DRC10: variants seen among roughly 807,000 people sequenced by gnomAD.
DRC10 encodes the protein dynein regulatory complex subunit 10, also known as IQ domain-containing protein D.
chr12:113,209,089 G>A, the DRC10 span, among the ~76,000 whole-genome samples: 3 of 152,128 alleles, frequency 2.0e-5, no homozygotes, highest in Middle Eastern at 3.4e-3. Context: ...ACACCACCAC[G>A]CCTGGCTAAT....
At chr12:113,195,652 T>G in the DRC10 span, 3 of 1,612,454 alleles carry the variant, frequency 1.9e-6, no homozygotes, top group Admixed American at 1.7e-5. Context: ...TTGCCCCGCT[T>G]CTTCTTGGAT....
At chr12:113,197,087 G>C in the DRC10 span, among the ~76,000 whole-genome samples, 41 of 152,302 alleles carry the variant, frequency 2.7e-4, no homozygotes, top group African/African-American at 9.6e-4. Flanking sequence ...ACCTTGTAGG[G>C]GTGCTGGCAG....
chr12:113,212,757 T>A, the DRC10 span, among the ~76,000 whole-genome samples: 2 of 152,202 alleles, frequency 1.3e-5, no homozygotes, highest in African/African-American at 4.8e-5. Context: ...ACGACAAAAA[T>A]GACTGGAGAA....
the DRC10 span, among the ~76,000 whole-genome samples, chr12:113,218,795 T>C: frequency 6.6e-6 from 1 of 152,212 alleles, no homozygotes; most frequent in African/African-American, 2.4e-5. Flanking sequence ...GTAGCAATTA[T>C]TAGTATTTCA....
At chr12:113,214,722 T>C in the DRC10 span, among the ~76,000 whole-genome samples, 1 of 152,090 alleles carries the variant, frequency 6.6e-6, no homozygotes, top group Non-Finnish European at 1.5e-5. Flanking sequence ...AGGCCAACAA[T>C]TGGCCTATGA....
At chr12:113,210,344 AG>A in the DRC10 span, among the ~76,000 whole-genome samples, 4 of 152,190 alleles carry the variant, frequency 2.6e-5, no homozygotes, top group African/African-American at 9.7e-5. Context: ...AAGAGTCCTC[AG>A]GATGAATGAG....
the DRC10 span, chr12:113,208,262 G>A: frequency 6.7e-7 from 1 of 1,482,520 alleles, no homozygotes. Flanking sequence ...TGGCCATCCT[G>A]CAAAATGAAG....
chr12:113,208,407 A>C, the DRC10 span: 1 of 1,298,190 alleles, frequency 7.7e-7, no homozygotes, highest in South Asian at 1.9e-5. Context: ...AGCAGTTTTC[A>C]GCTTTGTGAG....
chr12:113,200,775 GT>G, the DRC10 span: 1 of 1,534,860 alleles, frequency 6.5e-7, no homozygotes, highest in Non-Finnish European at 8.7e-7. Context: ...GGTGCAGGTG[GT>G]TTTTCAGTTC....
At chr12:113,200,140 T>G in the DRC10 span, 9 of 338,104 alleles carry the variant, frequency 2.7e-5, no homozygotes, top group Non-Finnish European at 5.3e-5. Context: ...AAGACCAATG[T>G]TAGCATTTTC....
At chr12:113,221,040 C>T in the DRC10 span, 1 of 402,212 alleles carries the variant, frequency 2.5e-6, no homozygotes, top group African/African-American at 2.0e-5. Context: ...GTTACCGCCG[C>T]GGTCCCTGCG....
chr12:113,195,858 C>T, the DRC10 span: 1 of 1,612,570 alleles, frequency 6.2e-7, no homozygotes, highest in South Asian at 1.1e-5. Context: ...CTTCTCCTCC[C>T]TGTGAACAGC....
chr12:113,218,529 C>T, the DRC10 span, among the ~76,000 whole-genome samples: 279 of 152,000 alleles, frequency 1.8e-3, 1 homozygote, highest in African/African-American at 6.0e-3. Context: ...GTAGCCTTGA[C>T]CTCCCCAGGC....
At chr12:113,220,994 C>T in the DRC10 span, 1 of 380,296 alleles carries the variant, frequency 2.6e-6, no homozygotes, top group Non-Finnish European at 5.3e-6. Flanking sequence ...ACTGGCTACT[C>T]ACCTGCTCTG....
the DRC10 span, among the ~76,000 whole-genome samples, chr12:113,210,119 G>A: frequency 6.6e-6 from 1 of 152,220 alleles, no homozygotes; most frequent in Admixed American, 6.5e-5. Flanking sequence ...CTGGGCAACA[G>A]AATGAGACTC....
At chr12:113,213,863 G>A in the DRC10 span, among the ~76,000 whole-genome samples, 2 of 152,172 alleles carry the variant, frequency 1.3e-5, no homozygotes, top group Non-Finnish European at 2.9e-5. Flanking sequence ...AGAATTGCTT[G>A]AACCTGGGAG....
the DRC10 span, among the ~76,000 whole-genome samples, chr12:113,215,988 G>T: frequency 1.3e-5 from 2 of 152,132 alleles, no homozygotes; most frequent in Non-Finnish European, 2.9e-5. Context: ...CTTACTGTAC[G>T]ATCCAGTAAT....
the DRC10 span, chr12:113,208,022 C>T: frequency 6.2e-7 from 1 of 1,614,224 alleles, no homozygotes; most frequent in Non-Finnish European, 8.5e-7. Flanking sequence ...ATCCTTTTGG[C>T]CTCAATGGTG....
At chr12:113,220,984 A>G in the DRC10 span, 1 of 358,558 alleles carries the variant, frequency 2.8e-6, no homozygotes, top group South Asian at 2.0e-5. Flanking sequence ...CCCTTTCCCA[A>G]CTGGCTACTC....
Sources: gnomAD v4.1 joint callset for allele counts (sites outside exome capture counted in the v4.1 genomes callset) on GRCh38, gnomAD v4.1.1 for gene constraint, MANE v1.5 for transcripts, NCBI Gene and HGNC (gene_info 2026-07-23, HGNC 2026-07-21) for gene names.